The following SMAD9 variants were observed in gnomAD, a reference collection of about 807,000 sequenced individuals.
The protein encoded by SMAD9 is SMAD family member 9, also known as MAD homolog 9.
A neutral mutation model predicts 46.1 loss-of-function variants in SMAD9; 36 were observed. That is an observed-to-expected ratio of 0.78 (90% confidence interval 0.60 to 1.03). The LOEUF (loss-of-function observed/expected upper bound fraction) is 1.03, where lower values mean the gene tolerates loss of function less well. Ranked by LOEUF, SMAD9 falls within the 50% of genes least tolerant of loss-of-function variation. The pLI is 0.00. For missense variants in SMAD9, 572 were observed against 599.8 expected (o/e 0.95, Z 0.48); for synonymous variants, 245 against 237.1 (o/e 1.03, Z -0.31).
At chr13:36,876,663 C>T (rs1032422600) in intron 2 of SMAD9, among the ~76,000 whole-genome samples, 1 of 152,142 alleles carries the variant, frequency 6.6e-6, no homozygotes, top group Non-Finnish European at 1.5e-5. Flanking sequence ...CCACACATAA[C>T]TTGGAAAGCA....
intron 1 of SMAD9, among the ~76,000 whole-genome samples, 186 bp downstream of exon 1, chr13:36,919,930 G>A (rs1377371077): frequency 1.3e-5 from 2 of 150,500 alleles, no homozygotes; most frequent in Non-Finnish European, 3.0e-5. Context: ...GCTGCCCCGA[G>A]GACGAACAAC....
At chr13:36,890,124 G>T (rs1340798110) in intron 1 of SMAD9, among the ~76,000 whole-genome samples, 1 of 151,980 alleles carries the variant, frequency 6.6e-6, no homozygotes, top group African/African-American at 2.4e-5. Context: ...ACTTCGAAAG[G>T]CATATCTAAT....
intron 1 of SMAD9, among the ~76,000 whole-genome samples, chr13:36,905,502 T>C (rs1223226892): frequency 1.3e-5 from 2 of 152,016 alleles, no homozygotes; most frequent in East Asian, 3.9e-4. Flanking sequence ...ACACCTGTAA[T>C]CCCAGCACTT....
At chr13:36,870,042 T>G (rs903601798) in intron 3 of SMAD9, among the ~76,000 whole-genome samples, 2 of 152,204 alleles carry the variant, frequency 1.3e-5, no homozygotes, top group Non-Finnish European at 2.9e-5. Context: ...ACAGGTCTGT[T>G]ACTCAGGTTG....
At chr13:36,852,168 T>C (rs370433977) in intron 6 of SMAD9, 113 of 884,606 alleles carry the variant, frequency 1.3e-4, no homozygotes, top group African/African-American at 1.5e-4. Context: ...GGAAACTATA[T>C]TGTTCTTACT....
intron 1 of SMAD9, among the ~76,000 whole-genome samples, chr13:36,890,991 A>G (rs2058484998): frequency 6.6e-6 from 1 of 152,088 alleles, no homozygotes; most frequent in African/African-American, 2.4e-5. Context: ...GCTAACTCAC[A>G]AGCCACTTTT....
intron 5 of SMAD9, among the ~76,000 whole-genome samples, chr13:36,856,278 G>T (rs2058123925): frequency 6.6e-6 from 1 of 152,210 alleles, no homozygotes; most frequent in Non-Finnish European, 1.5e-5. Context: ...TATGTGAATT[G>T]AATGACCTTC....
intron 4 of SMAD9, among the ~76,000 whole-genome samples, chr13:36,866,503 A>G (rs977591835): frequency 6.6e-6 from 1 of 152,104 alleles, no homozygotes; most frequent in African/African-American, 2.4e-5. Context: ...CTTTCTAGTG[A>G]TTGTATTACC....
chr13:36,912,943 C>A (rs1468158000), intron 1 of SMAD9, among the ~76,000 whole-genome samples: 1 of 152,146 alleles, frequency 6.6e-6, no homozygotes, highest in Admixed American at 6.5e-5. Context: ...CACCAAAATC[C>A]AAGGATGCTC....
intron 5 of SMAD9, among the ~76,000 whole-genome samples, chr13:36,856,975 T>C (rs1292725040): frequency 6.6e-6 from 1 of 151,974 alleles, no homozygotes; most frequent in African/African-American, 2.4e-5. Context: ...GCTAATTTTT[T>C]GTCTTTTTAG....
Position 36,857,041 on chromosome 13 carries a change from T to G in SMAD9, c.1004-3366A>C, listed in dbSNP as rs187857456. ...CTGGTCTCGAACTCCTGACCTCAGG[T>G]GATCCACCTGCCTCGGCCTCCCAAA... On this transcript the variant is annotated intron_variant, in intron 5 of 6. Coordinates refer to ENST00000379826, the MANE Select transcript of SMAD9 (RefSeq NM_001127217.3). Among the ~76,000 whole-genome samples, 600 of 151,958 alleles carry G rather than the reference T, an allele frequency of 3.9e-3. 7 individuals carry two copies. The highest frequency in any genetic ancestry group is 0.014 in the African/African-American group (570 of 41,420).
At chr13:36,868,451 C>G (rs2058257031) in intron 3 of SMAD9, among the ~76,000 whole-genome samples, 1 of 152,192 alleles carries the variant, frequency 6.6e-6, no homozygotes, top group Admixed American at 6.5e-5. Flanking sequence ...ACTCAAGAAG[C>G]AGAACAGGCT....
intron 1 of SMAD9, among the ~76,000 whole-genome samples, chr13:36,917,215 G>C (rs2058705175): frequency 6.6e-6 from 1 of 152,110 alleles, no homozygotes; most frequent in African/African-American, 2.4e-5. Flanking sequence ...AACTTTAGTT[G>C]ACACAAGTTT....
At chr13:36,870,479 C>T (rs2058280473) in intron 3 of SMAD9, among the ~76,000 whole-genome samples, 1 of 152,136 alleles carries the variant, frequency 6.6e-6, no homozygotes, top group South Asian at 2.1e-4. Context: ...CCTCCCTCCC[C>T]CAATTCACTG....
Position 36,848,339 on chromosome 13 carries a change from A to T in SMAD9, c.*337T>A, listed in dbSNP as rs1442961458. On this transcript the variant is annotated 3_prime_UTR_variant, in exon 7 of 7. Coordinates refer to ENST00000379826, the MANE Select transcript of SMAD9 (RefSeq NM_001127217.3). ...ACAGTTTCAATGTTTCTGTGAGGCC[A>T]CACAACATGCTTTATAATGACACGG... 3.2e-6 allele frequency: 1 copy of T among 312,380 alleles called. No individual in the cohort carries two copies. Among genetic ancestry groups the T allele is most frequent in the Non-Finnish European group, 6.1e-6 (1 of 164,414 alleles). 19.4% of individuals were successfully genotyped at this position (312,380 alleles called of 1,614,324 possible).
At chr13:36,901,290 C>A (rs2058573664) in intron 1 of SMAD9, among the ~76,000 whole-genome samples, 1 of 152,192 alleles carries the variant, frequency 6.6e-6, no homozygotes, top group Non-Finnish European at 1.5e-5. Flanking sequence ...ACATTCCCAT[C>A]AGAAACGTAT....
intron 1 of SMAD9, among the ~76,000 whole-genome samples, chr13:36,890,282 T>C (rs1476790207): frequency 6.6e-6 from 1 of 151,424 alleles, no homozygotes; most frequent in African/African-American, 2.4e-5. Context: ...GTGCTTATCT[T>C]TTCATCTACA....
chr13:36,896,918 T>C (rs1194194168), intron 1 of SMAD9, among the ~76,000 whole-genome samples: 1 of 152,172 alleles, frequency 6.6e-6, no homozygotes, highest in African/African-American at 2.4e-5. Context: ...ATCCAACTTT[T>C]ATTTGAATCC....
At chr13:36,898,565 A>C (rs1037643789) in intron 1 of SMAD9, among the ~76,000 whole-genome samples, 1 of 152,192 alleles carries the variant, frequency 6.6e-6, no homozygotes, top group Non-Finnish European at 1.5e-5. Context: ...ACACATCTTG[A>C]CCAAATGAAG....
Sources: allele counts gnomAD v4.1 joint callset (sites outside exome capture counted in the v4.1 genomes callset), GRCh38; gene constraint gnomAD v4.1.1; transcripts MANE v1.5; gene names NCBI Gene and HGNC (gene_info 2026-07-23, HGNC 2026-07-21).